Variants in ATP2C1 observed in about 807,000 individuals in gnomAD.
ATP2C1 encodes ATPase secretory pathway Ca2+ transporting 1.
In ATP2C1, 31 loss-of-function variants were observed where a neutral mutation model predicts 120.5. The ratio of observed to expected loss-of-function variants is 0.26; its 90% CI spans 0.19 to 0.35. The LOEUF is 0.35. Ranked by LOEUF, ATP2C1 falls within the 10% of genes least tolerant of loss-of-function variation. The pLI, the probability that ATP2C1 is intolerant of heterozygous loss-of-function variation, is 1.00. For synonymous variants in ATP2C1, 351 were observed against 358.7 expected, an observed-to-expected ratio of 0.98 and a Z score of 0.24; for missense variants, 731 against 1,107.5, an observed-to-expected ratio of 0.66 and a Z score of 4.83.
downstream of ATP2C1, among the ~76,000 whole-genome samples, chr3:131,008,048 ATGG>A (rs1223974117): frequency 6.6e-6 from 1 of 152,168 alleles, no homozygotes; most frequent in Non-Finnish European, 1.5e-5. Flanking sequence ...GGATGGTTGG[ATGG>A]TCCATGCATC....
intron 18 of ATP2C1, among the ~76,000 whole-genome samples, chr3:130,978,597 C>T (rs1576967371): frequency 6.6e-6 from 1 of 152,190 alleles, no homozygotes; most frequent in Non-Finnish European, 1.5e-5. Flanking sequence ...GCGTTATTTA[C>T]ATACTCTTAG....
At chr3:130,916,045 T>C (rs908644926) in intron 2 of ATP2C1, among the ~76,000 whole-genome samples, 2 of 152,184 alleles carry the variant, frequency 1.3e-5, no homozygotes, top group Non-Finnish European at 2.9e-5. Flanking sequence ...AGTTAATAAA[T>C]AGGATTCTTA....
intron 1 of ATP2C1, chr3:130,856,282 T>G (rs1346383813): frequency 6.6e-6 from 1 of 152,192 alleles, no homozygotes; most frequent in Admixed American, 6.5e-5. Context: ...ATATTTGAAT[T>G]TAATTTGAAT....
intron 1 of ATP2C1, among the ~76,000 whole-genome samples, chr3:130,878,313 T>G (rs993080902): frequency 1.3e-5 from 2 of 152,182 alleles, no homozygotes; most frequent in Non-Finnish European, 2.9e-5. Flanking sequence ...TGTTTAGCCC[T>G]AAGGTTGCTA....
At chr3:130,852,599 A>G (rs1350472435) in intron 1 of ATP2C1, among the ~76,000 whole-genome samples, 1 of 152,186 alleles carries the variant, frequency 6.6e-6, no homozygotes, top group Non-Finnish European at 1.5e-5. Context: ...TTGAATAATT[A>G]AGAGAAATAA....
chr3:130,872,022 C>CAAAA (rs11347303), intron 1 of ATP2C1, among the ~76,000 whole-genome samples: 1 of 117,574 alleles, frequency 8.5e-6, no homozygotes, highest in Admixed American at 8.7e-5. Context: ...AACTCTGTCT[C>CAAAA]AAAAAAAAAA....
At chr3:130,993,114 G>A (rs1003152660) in intron 21 of ATP2C1, 113 bp downstream of exon 21, 1 of 873,582 alleles carries the variant, frequency 1.1e-6, no homozygotes, top group Non-Finnish European at 1.8e-6. Flanking sequence ...ATACTGTGAA[G>A]CAAAACAGTT....
chr3:130,857,149 C>G (rs763686013), intron 1 of ATP2C1, among the ~76,000 whole-genome samples: 7 of 152,126 alleles, frequency 4.6e-5, no homozygotes, highest in Admixed American at 4.6e-4. Context: ...TAATGACAAC[C>G]TTTTCCTCTA....
intron 16 of ATP2C1, 64 bp downstream of exon 16, chr3:130,967,483 C>T: frequency 1.5e-6 from 2 of 1,345,762 alleles, no homozygotes; most frequent in Non-Finnish European, 2.1e-6. Context: ...AATGCAGTGT[C>T]ATCAATTTCA....
At position 130,952,364 on chromosome 3, in the gene ATP2C1, C is replaced by T. The variant is rs151317852; in HGVS notation, c.532-1457C>T. ...AGGAATGTTGTTGATCAAATTAAAA[C>T]AGTTTTGTTGAGGAGATGAAGATTC... On this transcript the variant is annotated intron_variant, in intron 8 of 27. Transcript: ENST00000510168. Among the ~76,000 whole-genome samples the T allele has an allele frequency of 4.8e-3, 727 of 152,216 alleles. 6 individuals are homozygous for T. The highest frequency in any genetic ancestry group is 7.5e-3 in the Non-Finnish European group (512 of 68,006).
rs530106772 is a variant in ATP2C1 at position 130,867,341 on chromosome 3, G to C, written c.108+16413G>C. On this transcript the variant is annotated intron_variant, in intron 1 of 26. Transcript: ENST00000504381. ...CCCTCTCCCTCTCCCTCTCCCTCAC[G>C]GTCTCCCTCTGATGCCGAGCCAAAG... is the stretch of plus-strand genomic sequence containing the variant. 1.5e-4 allele frequency among the ~76,000 whole-genome samples: 16 copies of C among 107,276 alleles called. No homozygotes were observed. In the East Asian group the frequency reaches 3.2e-3, roughly 22 times the overall value. 70.4% of individuals were successfully genotyped at this position (107,276 alleles called of 152,430 possible).
At chr3:130,892,580 T>C (rs1209505838), upstream of ATP2C1, among the ~76,000 whole-genome samples, 1 of 151,378 alleles carries the variant, frequency 6.6e-6, no homozygotes, top group African/African-American at 2.4e-5. Context: ...GAATTTTCGA[T>C]CCTAGTCTAG....
At chr3:130,851,723 G>A (rs1014374964) in intron 1 of ATP2C1, among the ~76,000 whole-genome samples, 1 of 152,162 alleles carries the variant, frequency 6.6e-6, no homozygotes, top group Non-Finnish European at 1.5e-5. Flanking sequence ...GATTCATTTA[G>A]GAAGAAGTGT....
intron 6 of ATP2C1, 123 bp from the exon 7 acceptor site, chr3:130,940,507 A>G (rs1005577337): frequency 2.8e-6 from 2 of 713,588 alleles, no homozygotes; most frequent in African/African-American, 1.8e-5. Context: ...TAAGAATATA[A>G]GCACAAGTAA....
chr3:130,930,123 G>C (rs1053284945), intron 2 of ATP2C1: 19 of 401,892 alleles, frequency 4.7e-5, no homozygotes, highest in African/African-American at 3.5e-4. Flanking sequence ...CAGGACATCT[G>C]TTTTACTTTT....
At chr3:130,899,230 A>T in intron 2 of ATP2C1, among the ~76,000 whole-genome samples, 1 of 152,172 alleles carries the variant, frequency 6.6e-6, no homozygotes, top group East Asian at 1.9e-4. Context: ...CTGACCCACC[A>T]TGCAGTTGAA....
In ATP2C1 at chr3:130,902,713, C is replaced by G. The variant is rs923002022; in HGVS notation, c.6+7938C>G. 2.0e-5 allele frequency among the ~76,000 whole-genome samples: 3 copies of G among 151,736 alleles called. No individual in the cohort carries two copies. The East Asian group carries it at 5.8e-4, about 29-fold the overall frequency. Reference sequence around the variant, plus strand: ...TTTTATCCATTTATTCTAACTAGACCCCCCCCGAAGTCAGAACTCTTCCTT... The same window carrying G: ...TTTTATCCATTTATTCTAACTAGACGCCCCCCGAAGTCAGAACTCTTCCTT... On this transcript the variant is annotated intron_variant, in intron 2 of 27. Coordinates refer to ENST00000510168, the MANE Select transcript of ATP2C1 (RefSeq NM_001378687.1).
At chr3:130,859,452 G>A (rs952131942) in intron 1 of ATP2C1, among the ~76,000 whole-genome samples, 12 of 152,148 alleles carry the variant, frequency 7.9e-5, no homozygotes, top group Non-Finnish European at 1.3e-4. Flanking sequence ...CCAGTATAAC[G>A]ATAAATAGCT....
chr3:130,916,009 T>G (rs975361216), intron 2 of ATP2C1, among the ~76,000 whole-genome samples: 2 of 152,224 alleles, frequency 1.3e-5, no homozygotes, highest in Non-Finnish European at 2.9e-5. Flanking sequence ...AGCAAACTTA[T>G]TTGTGACAAC....
Sources: allele counts gnomAD v4.1 joint callset (sites outside exome capture counted in the v4.1 genomes callset), GRCh38; gene constraint gnomAD v4.1.1; transcripts MANE v1.5; gene names NCBI Gene and HGNC (gene_info 2026-07-23, HGNC 2026-07-21).